Variants in LRRTM4 observed in about 807,000 individuals in gnomAD.
LRRTM4 encodes the protein leucine rich repeat transmembrane neuronal 4, also known as leucine-rich repeat transmembrane neuronal protein 4.
A neutral mutation model predicts 47.6 loss-of-function variants in LRRTM4; 25 were observed. The observed-to-expected ratio is 0.53, with a 90% CI of 0.38 to 0.73. The LOEUF is 0.73. Among genes scored for constraint, LRRTM4 ranks in the 30% least tolerant of loss-of-function variants. LRRTM4 has a pLI of 0.00. For missense variants in LRRTM4, 638 were observed against 713.4 expected (o/e 0.89, Z 1.20); for synonymous variants, 311 against 269.5 (o/e 1.15, Z -1.51).
chr2:76,815,834 A>G (rs1241410436), intron 3 of LRRTM4, among the ~76,000 whole-genome samples: 2 of 152,146 alleles, frequency 1.3e-5, no homozygotes, highest in South Asian at 4.1e-4. Context: ...ATATAGAGAA[A>G]TGAATTTGTA....
chr2:76,827,072 A>G (rs1671210080), intron 3 of LRRTM4, among the ~76,000 whole-genome samples: 2 of 151,848 alleles, frequency 1.3e-5, no homozygotes, highest in Non-Finnish European at 2.9e-5. Context: ...TGAGACCGTT[A>G]GTTCTCATGG....
At chr2:77,285,684 G>C (rs1676636101) in intron 3 of LRRTM4, among the ~76,000 whole-genome samples, 2 of 151,964 alleles carry the variant, frequency 1.3e-5, no homozygotes, top group African/African-American at 4.8e-5. Flanking sequence ...AGAGGCTGCA[G>C]TGAGCTGAGA....
intron 3 of LRRTM4, among the ~76,000 whole-genome samples, chr2:77,140,626 G>A (rs1672093998): frequency 1.3e-5 from 2 of 152,064 alleles, no homozygotes; most frequent in African/African-American, 4.8e-5. Flanking sequence ...TTGACAAATG[G>A]GATCTAATTA....
chr2:77,379,364 G>C (rs1053616466), intron 3 of LRRTM4, among the ~76,000 whole-genome samples: 2 of 151,930 alleles, frequency 1.3e-5, no homozygotes, highest in Non-Finnish European at 2.9e-5. Context: ...TGCATTTTAT[G>C]ATAAATATTT....
intron 3 of LRRTM4, among the ~76,000 whole-genome samples, chr2:77,095,117 A>G (rs1670770652): frequency 6.6e-6 from 1 of 152,270 alleles, no homozygotes; most frequent in Admixed American, 6.5e-5. Flanking sequence ...ATCTGAACAG[A>G]CATTTCTCAA....
chr2:77,500,306 A>T (rs1678523799), intron 3 of LRRTM4, among the ~76,000 whole-genome samples: 1 of 151,788 alleles, frequency 6.6e-6, no homozygotes, highest in Admixed American at 6.6e-5. Context: ...AAAAAATGTG[A>T]ATTTGAACAA....
chr2:77,366,503 T>C (rs1360375985), intron 3 of LRRTM4, among the ~76,000 whole-genome samples: 1 of 151,846 alleles, frequency 6.6e-6, no homozygotes, highest in Non-Finnish European at 1.5e-5. Context: ...TGTAAGCAAA[T>C]GACTCACAGA....
chr2:77,168,315 G>T (rs1672948300), intron 3 of LRRTM4, among the ~76,000 whole-genome samples: 1 of 151,224 alleles, frequency 6.6e-6, no homozygotes, highest in Non-Finnish European at 1.5e-5. Flanking sequence ...CTGTATATTG[G>T]GTAATTTTTT....
intron 3 of LRRTM4, among the ~76,000 whole-genome samples, chr2:76,950,319 G>A (rs1675455236): frequency 6.6e-6 from 1 of 151,836 alleles, no homozygotes; most frequent in African/African-American, 2.4e-5. Context: ...TATTTCCTAG[G>A]GCACTTCAGG....
At chr2:77,002,162 A>G (rs1373015910) in intron 3 of LRRTM4, among the ~76,000 whole-genome samples, 1 of 152,190 alleles carries the variant, frequency 6.6e-6, no homozygotes, top group Non-Finnish European at 1.5e-5. Flanking sequence ...TTTCAAATGT[A>G]TACTTGGCCT....
chr2:77,076,822 G>A (rs1680351611), intron 3 of LRRTM4, among the ~76,000 whole-genome samples: 1 of 152,120 alleles, frequency 6.6e-6, no homozygotes, highest in African/African-American at 2.4e-5. Flanking sequence ...TAGCCTTTGA[G>A]AAAACAGAAA....
At chr2:77,140,413 G>C (rs1040070763) in intron 3 of LRRTM4, among the ~76,000 whole-genome samples, 1 of 152,118 alleles carries the variant, frequency 6.6e-6, no homozygotes, top group Non-Finnish European at 1.5e-5. Flanking sequence ...GGGAAAACTG[G>C]CTAGCCATAT....
intron 3 of LRRTM4, among the ~76,000 whole-genome samples, chr2:77,292,508 T>C (rs1676854081): frequency 6.6e-6 from 1 of 152,032 alleles, no homozygotes. Context: ...CATGGAATAC[T>C]ATGCAGCCAT....
intron 3 of LRRTM4, among the ~76,000 whole-genome samples, chr2:77,128,797 G>A (rs1671721910): frequency 6.6e-6 from 1 of 150,588 alleles, no homozygotes; most frequent in African/African-American, 2.4e-5. Context: ...CCACCACCAT[G>A]CCCGGCTAAT....
intron 3 of LRRTM4, among the ~76,000 whole-genome samples, chr2:77,363,376 A>C (rs1234922580): frequency 6.6e-6 from 1 of 152,204 alleles, no homozygotes; most frequent in Non-Finnish European, 1.5e-5. Context: ...GAAGGAAAAG[A>C]AAAATATACT....
Position 77,518,859 on chromosome 2 carries a change from A to T in LRRTM4, c.1010T>A (p.Met337Lys). ...GATGTGCTTAGGTCCCGCACATATC[A>T]TGGTGCTTTCCTTATTTCCTTTGAA... ...KNFKGNKEST[M>K]ICAGPKHIQG... Residue 337 changes from methionine (M) to lysine (K), a missense_variant, in exon 3 of 4, where the codon ATG becomes AAG. Coordinates refer to ENST00000409884, the MANE Select transcript of LRRTM4 (RefSeq NM_001134745.3). 1 of 1,607,432 alleles carries T rather than the reference A, an allele frequency of 6.2e-7. No homozygotes were observed. The highest frequency in any genetic ancestry group is 8.5e-7 in the Non-Finnish European group (1 of 1,176,372).
At chr2:77,443,891 G>A (rs768566413) in intron 3 of LRRTM4, among the ~76,000 whole-genome samples, 25 of 151,990 alleles carry the variant, frequency 1.6e-4, no homozygotes, top group Non-Finnish European at 1.0e-4. Flanking sequence ...ATAAGACTCT[G>A]ACTCAGGTTG....
intron 3 of LRRTM4, among the ~76,000 whole-genome samples, chr2:77,422,677 A>T (rs533963594): frequency 6.6e-6 from 1 of 152,290 alleles, no homozygotes; most frequent in South Asian, 2.1e-4. Flanking sequence ...CCTGATGATG[A>T]TATAGAGTTT....
rs1006360698 is a variant in LRRTM4 at position 77,243,342 on chromosome 2, G to A, written c.1551+274976C>T. ...GGAGAATTGCTTGAACCTGGGAGGC[G>A]GAGGTTGCGGTGAGCCGAGATCGTG... On this transcript the variant is annotated intron_variant, in intron 3 of 3. Coordinates refer to ENST00000409884, the MANE Select transcript of LRRTM4 (RefSeq NM_001134745.3). Among the ~76,000 whole-genome samples the A allele has an allele frequency of 6.8e-4, 101 of 147,786 alleles. 1 individual carries two copies. Among genetic ancestry groups the A allele is most frequent in the Admixed American group, 6.7e-3 (96 of 14,300 alleles).
Sources: allele counts gnomAD v4.1 joint callset (sites outside exome capture counted in the v4.1 genomes callset), GRCh38; gene constraint gnomAD v4.1.1; transcripts MANE v1.5; gene names NCBI Gene and HGNC (gene_info 2026-07-23, HGNC 2026-07-21).